CPVL: variants seen among roughly 807,000 people sequenced by gnomAD.
CPVL encodes probable serine carboxypeptidase CPVL.
CPVL carries 51 observed loss-of-function variants against 63.7 expected under a neutral mutation model. The ratio of observed to expected loss-of-function variants is 0.80; its 90% CI spans 0.64 to 1.01. The LOEUF (loss-of-function observed/expected upper bound fraction) is 1.01. CPVL is among the 50% of genes least tolerant of loss of function. The pLI, the probability that CPVL is intolerant of heterozygous loss-of-function variation, is 0.00. For missense variants in CPVL, 530 were observed against 573.1 expected, an observed-to-expected ratio of 0.92 and a Z score of 0.77; for synonymous variants, 195 against 206.0, an observed-to-expected ratio of 0.95 and a Z score of 0.46.
intron 9 of CPVL, among the ~76,000 whole-genome samples, chr7:29,069,783 T>C (rs1365939620): frequency 6.9e-5 from 2 of 29,172 alleles, no homozygotes; most frequent in Admixed American, 4.1e-4. Context: ...TGTGTGTGTG[T>C]GTGTGTGTGT....
At chr7:29,179,070 A>G (rs1054708384) in intron 5 of CPVL, among the ~76,000 whole-genome samples, 1 of 152,160 alleles carries the variant, frequency 6.6e-6, no homozygotes, top group Non-Finnish European at 1.5e-5. Context: ...GGTGTCAGAA[A>G]ACAGGAGGTG....
At chr7:29,147,265 A>G, upstream of CPVL, 1 of 328,626 alleles carries the variant, frequency 3.0e-6, no homozygotes, top group African/African-American at 2.1e-5. Context: ...CATTATCAGC[A>G]ACAGCAGCGT....
At chr7:29,017,475 A>G (rs1267476687) in intron 12 of CPVL, among the ~76,000 whole-genome samples, 1 of 152,138 alleles carries the variant, frequency 6.6e-6, no homozygotes. Context: ...CTCCACTAAA[A>G]ATATAAAATT....
chr7:29,053,051 TAGAA>T (rs1790364361), intron 11 of CPVL, among the ~76,000 whole-genome samples: 1 of 152,138 alleles, frequency 6.6e-6, no homozygotes, highest in African/African-American at 2.4e-5. Flanking sequence ...AAAAATCACA[TAGAA>T]AGATGTTCAT....
chr7:29,195,052 G>T, intron 1 of CPVL: 10 of 1,526,444 alleles, frequency 6.6e-6, no homozygotes, highest in Non-Finnish European at 8.9e-6. Context: ...CCCTCGCCCC[G>T]CAGCCTGGGA....
intron 1 of CPVL, among the ~76,000 whole-genome samples, chr7:29,140,204 C>G (rs1471262859): frequency 6.6e-6 from 1 of 152,156 alleles, no homozygotes; most frequent in African/African-American, 2.4e-5. Flanking sequence ...CTTTAGGAGG[C>G]CGAGGCAGGA....
chr7:29,072,514 C>A, intron 7 of CPVL, 91 bp from the exon 8 acceptor site: 6 of 1,415,970 alleles, frequency 4.2e-6, no homozygotes, highest in Non-Finnish European at 5.9e-6. Flanking sequence ...AATGAAGGAG[C>A]AATCTTTCCA....
chr7:29,141,106 G>T (rs1791823017), intron 1 of CPVL, among the ~76,000 whole-genome samples: 1 of 152,218 alleles, frequency 6.6e-6, no homozygotes, highest in Non-Finnish European at 1.5e-5. Context: ...ATTGTGCAAT[G>T]TGCTTTGAGC....
At chr7:29,059,983 GGCTTTTTACT>G (rs1249754429) in intron 11 of CPVL, among the ~76,000 whole-genome samples, 1 of 152,070 alleles carries the variant, frequency 6.6e-6, no homozygotes, top group Non-Finnish European at 1.5e-5. Flanking sequence ...CAGTTTGTTT[GGCTTTTTACT>G]GTTGTTACAA....
At chr7:29,149,054 C>T (rs574155431), upstream of CPVL, among the ~76,000 whole-genome samples, 2 of 152,080 alleles carry the variant, frequency 1.3e-5, no homozygotes, top group African/African-American at 2.4e-5. Context: ...CGACACCAGG[C>T]GTGTTCAGGG....
chr7:29,092,525 G>C, intron 6 of CPVL, 98 bp downstream of exon 6: 1 of 778,130 alleles, frequency 1.3e-6, no homozygotes, highest in Non-Finnish European at 2.2e-6. Context: ...GGACTATAAG[G>C]CTCAGTCAAT....
chr7:29,121,698 G>C (rs1043857771), intron 1 of CPVL, among the ~76,000 whole-genome samples: 6 of 152,152 alleles, frequency 3.9e-5, no homozygotes, highest in African/African-American at 1.4e-4. Context: ...AGGCATCATG[G>C]GTGGGTGGAA....
intron 5 of CPVL, among the ~76,000 whole-genome samples, chr7:29,176,838 A>G (rs1213630132): frequency 6.6e-6 from 1 of 152,206 alleles, no homozygotes; most frequent in African/African-American, 2.4e-5. Flanking sequence ...AGGGAAAGCA[A>G]CCTCTTGCTC....
intron 6 of CPVL, among the ~76,000 whole-genome samples, chr7:29,087,749 G>C (rs981912736): frequency 1.3e-5 from 2 of 152,176 alleles, no homozygotes; most frequent in African/African-American, 2.4e-5. Context: ...CGAAGTTCAA[G>C]GGTTACAAAG....
intron 9 of CPVL, among the ~76,000 whole-genome samples, chr7:29,069,827 T>TGTGTGTGTGTGCGCGC (rs1554335163): frequency 2.2e-5 from 3 of 135,484 alleles, no homozygotes; most frequent in African/African-American, 8.2e-5. Context: ...TGTGTGTGTG[T>TGTGTGTGTGTGCGCGC]GCATGTAAAT....
At chr7:29,083,098 A>C (rs193089143) in intron 7 of CPVL, among the ~76,000 whole-genome samples, 24 of 152,342 alleles carry the variant, frequency 1.6e-4, no homozygotes, top group Admixed American at 1.4e-3. Flanking sequence ...AAAAAAACCT[A>C]AAGTGTAGTA....
chr7:29,152,441 G>A (rs1793722178), intron 5 of CPVL, among the ~76,000 whole-genome samples: 1 of 152,056 alleles, frequency 6.6e-6, no homozygotes, highest in Non-Finnish European at 1.5e-5. Context: ...AATCTTTCTT[G>A]CTTTCCTCAT....
At chr7:29,194,823 C>A (rs1783427287) in intron 1 of CPVL, 6 of 875,726 alleles carry the variant, frequency 6.9e-6, no homozygotes, top group Non-Finnish European at 9.4e-6. Context: ...GCTTTCTGCG[C>A]GTCCCCAGGA....
intron 6 of CPVL, among the ~76,000 whole-genome samples, chr7:29,091,464 AGCCCTG>A (rs1641399658): frequency 6.6e-6 from 1 of 152,070 alleles, no homozygotes; most frequent in South Asian, 2.1e-4. Flanking sequence ...GTGCCAAGAG[AGCCCTG>A]GCCCTGGCTC....
Sources: gnomAD v4.1 joint callset for allele counts (sites outside exome capture counted in the v4.1 genomes callset) on GRCh38, gnomAD v4.1.1 for gene constraint, MANE v1.5 for transcripts, NCBI Gene and HGNC (gene_info 2026-07-23, HGNC 2026-07-21) for gene names.